The following ISM2 variants were observed in gnomAD, a reference collection of about 807,000 sequenced individuals.
The protein encoded by ISM2 is isthmin 2.
ISM2 carries 50 observed loss-of-function variants against 58.0 expected under a neutral mutation model. The ratio of observed to expected loss-of-function variants is 0.86; its 90% CI spans 0.69 to 1.09. ISM2 has a LOEUF of 1.09. ISM2 is among the 50% of genes least tolerant of loss of function. The probability of loss-of-function intolerance (pLI) is 0.00; values close to 1 mark genes in which losing one functional copy is unlikely to be tolerated. For missense variants in ISM2, 723 were observed against 745.0 expected (o/e 0.97, Z 0.34); for synonymous variants, 303 against 312.4 (o/e 0.97, Z 0.32).
At chr14:77,482,262 C>G in intron 4 of ISM2, 60 bp downstream of exon 4, 1 of 1,331,640 alleles carries the variant, frequency 7.5e-7, no homozygotes, top group East Asian at 2.3e-5. Context: ...TCCCTCACCC[C>G]CATTTCCACT....
intron 4 of ISM2, among the ~76,000 whole-genome samples, chr14:77,479,311 C>T (rs938539868): frequency 3.9e-5 from 6 of 151,900 alleles, no homozygotes; most frequent in East Asian, 3.8e-4. Context: ...CTTCGCCTCC[C>T]GGGTTCAAGT....
At chr14:77,488,979 G>C (rs536009907) in intron 1 of ISM2, among the ~76,000 whole-genome samples, 1 of 152,056 alleles carries the variant, frequency 6.6e-6, no homozygotes. Flanking sequence ...CATTCTTTTG[G>C]GGGGTGGTGT....
At position 77,484,804 on chromosome 14, in the gene ISM2, G is replaced by A; in HGVS notation, c.257C>T (p.Pro86Leu). Residue 86 changes from proline to leucine, a missense_variant, in exon 2 of 7, where the codon CCA becomes CTA. Transcript: ENST00000342219. ...HQHGCWTVTE[P>L]AAMTPGNATP... ...GGCGTTGCCTGGGGTCATGGCTGCTGGCTCAGTGACAGTCCAGCATCCATG... is the reference window on the plus strand; with the variant it reads ...GGCGTTGCCTGGGGTCATGGCTGCTAGCTCAGTGACAGTCCAGCATCCATG... 6.2e-7 allele frequency: 1 copy of A among 1,610,696 alleles called. No homozygotes were observed. The highest frequency in any genetic ancestry group is 8.5e-7 in the Non-Finnish European group (1 of 1,179,184).
At position 77,486,085 on chromosome 14, in the gene ISM2, A is replaced by C. The variant is rs534347457; in HGVS notation, c.142-1166T>G. Among the ~76,000 whole-genome samples, 166 of 152,312 alleles carry C rather than the reference A, an allele frequency of 1.1e-3. 1 individual carries two copies. The highest frequency in any genetic ancestry group is 3.3e-3 in the Admixed American group (50 of 15,290). The stretch of plus-strand genomic sequence containing the variant: ...CATTGTCATGCCTGTCTTACAGTGG[A>C]AACTAAGGCACAGAGAGGGCAAGTA... On this transcript the variant is annotated intron_variant, in intron 1 of 6. Coordinates refer to ENST00000342219, the MANE Select transcript of ISM2 (RefSeq NM_199296.3).
At chr14:77,494,311 C>T (rs2079225611) in intron 1 of ISM2, among the ~76,000 whole-genome samples, 1 of 152,230 alleles carries the variant, frequency 6.6e-6, no homozygotes, top group African/African-American at 2.4e-5. Flanking sequence ...CTTTCAGCAA[C>T]CTTTACTTTT....
Position 77,475,538 on chromosome 14 carries a change from T to G in ISM2, c.*57A>C. The G allele has an allele frequency of 1.1e-6, 1 of 874,280 alleles. No homozygotes were observed. The highest frequency in any genetic ancestry group is 1.6e-6 in the Non-Finnish European group (1 of 630,086). 54.2% of individuals were successfully genotyped at this position (874,280 alleles called of 1,614,324 possible). ...GGGGCGGGTGAGGAAAGTTCTCCCG[T>G]GCAACAGCAGCAGCCGCCTGCCCTC... is the stretch of plus-strand genomic sequence containing the variant. On this transcript the variant is annotated 3_prime_UTR_variant, in exon 7 of 7. Coordinates refer to ENST00000342219, the MANE Select transcript of ISM2 (RefSeq NM_199296.3). The surrounding 1 kb of genome is among the most constrained non-coding windows in gnomAD (Gnocchi z 4.1).
chr14:77,475,468 G>T lies in ISM2; in HGVS notation c.*127C>A, dbSNP rs867387891. On this transcript the variant is annotated 3_prime_UTR_variant, in exon 7 of 7. Transcript: ENST00000342219. The surrounding 1 kb of genome is among the most constrained non-coding windows in gnomAD (Gnocchi z 4.1). Reference sequence around the variant, plus strand: ...TCGCTGGCAGAGGGCACACAGCCTCGGACCAACCTCACTGGGGGAGCCCTT... The same window carrying T: ...TCGCTGGCAGAGGGCACACAGCCTCTGACCAACCTCACTGGGGGAGCCCTT... 4.9e-6 allele frequency: 5 copies of T among 1,029,066 alleles called. No individual in the cohort carries two copies. The highest frequency in any genetic ancestry group is 3.3e-4 in the Middle Eastern group (1 of 3,054). The allele number at this position is 1,029,066 out of a possible 1,614,324, so 63.7% of individuals were successfully genotyped here.
intron 1 of ISM2, among the ~76,000 whole-genome samples, chr14:77,495,305 T>C (rs1184547785): frequency 1.3e-5 from 2 of 152,218 alleles, no homozygotes. Flanking sequence ...GTGGCACTAA[T>C]TTGTTTTCAC....
Position 77,475,785 on chromosome 14 carries a change from A to G in ISM2, c.1526T>C (p.Met509Thr). The G allele has an allele frequency of 6.2e-7, 1 of 1,613,718 alleles. No individual in the cohort carries two copies. The highest frequency in any genetic ancestry group is 8.5e-7 in the Non-Finnish European group (1 of 1,179,942). ...GAAGTCGGTGCTGATGAGGTTGGGC[A>G]TGCCGGCGCCCTTGCCACGGGTCAG... Reference protein sequence around the residue: ...RLLTRGKGAGMPNLISTDFSP... With the variant: ...RLLTRGKGAGTPNLISTDFSP... The change falls in exon 7 of 7, where the codon ATG becomes ACG. Residue 509 changes from methionine to threonine, a missense_variant. By Grantham distance (81) the Met-to-Thr change is moderately conservative. Coordinates refer to ENST00000342219, the MANE Select transcript of ISM2 (RefSeq NM_199296.3). The surrounding 1 kb of genome is among the most constrained non-coding windows in gnomAD (Gnocchi z 4.1).
intron 1 of ISM2, among the ~76,000 whole-genome samples, chr14:77,497,767 GAGGGAAGGAAGGA>G (rs2079255274): frequency 1.1e-5 from 1 of 92,578 alleles, no homozygotes; most frequent in African/African-American, 4.9e-5. Context: ...GGGAGGGAGG[GAGGGAAGGAAGGA>G]AGGAAGGAAG....
In ISM2 at chr14:77,484,472, C is replaced by T; in HGVS notation, c.478G>A (p.Gly160Arg). ...THLQAELHQH[G>R]CWTVTEPAAL... ...GCTGGCTCAGTGACAGTCCAACATC[C>T]ATGTTGGTGTAGCTCTGCCTGCAGG... Residue 160 changes from glycine (G) to arginine (R), a missense_variant, in exon 3 of 7, where the codon GGA becomes AGA. Transcript: ENST00000342219. The T allele has an allele frequency of 1.2e-6, 2 of 1,609,654 alleles. No individual in the cohort carries two copies. Among genetic ancestry groups the T allele is most frequent in the Non-Finnish European group, 8.5e-7 (1 of 1,178,132 alleles).
At chr14:77,488,800 C>G (rs1253432686) in intron 1 of ISM2, among the ~76,000 whole-genome samples, 1 of 152,186 alleles carries the variant, frequency 6.6e-6, no homozygotes, top group Non-Finnish European at 1.5e-5. Flanking sequence ...TCATTCAGGT[C>G]CCCCGAACAC....
At chr14:77,488,583 T>A (rs1374734792) in intron 1 of ISM2, among the ~76,000 whole-genome samples, 1 of 152,210 alleles carries the variant, frequency 6.6e-6, no homozygotes, top group Non-Finnish European at 1.5e-5. Flanking sequence ...TCCGGCAGGT[T>A]ACTTAATCTG....
At chr14:77,492,514 GC>G (rs1421184081) in intron 1 of ISM2, among the ~76,000 whole-genome samples, 8 of 116,278 alleles carry the variant, frequency 6.9e-5, no homozygotes, top group African/African-American at 1.3e-4. Flanking sequence ...ACTGGCCCCA[GC>G]CTTTTTTTTT....
intron 1 of ISM2, among the ~76,000 whole-genome samples, chr14:77,496,088 A>G (rs1169819393): frequency 6.6e-6 from 1 of 151,034 alleles, no homozygotes; most frequent in Non-Finnish European, 1.5e-5. Flanking sequence ...GGTGGCAGGC[A>G]TCTGTAATCC....
At position 77,478,360 on chromosome 14, in the gene ISM2, G is replaced by A. The variant is rs191715957; in HGVS notation, c.1115-35C>T. On this transcript the variant is annotated intron_variant, in intron 5 of 6. Transcript: ENST00000342219. ...GAAAGGAGGCCAGGCTGGTGGCTCC[G>A]CAGGCCACCTCAGTGCCGCTGATGG... The A allele has an allele frequency of 5.3e-5, 83 of 1,565,918 alleles. 1 individual carries two copies. The African/African-American group carries it at 9.2e-4, about 17-fold the overall frequency.
chr14:77,498,364 G>A (rs2079261260), intron 1 of ISM2: 1 of 1,395,194 alleles, frequency 7.2e-7, no homozygotes, highest in South Asian at 1.3e-5. Flanking sequence ...AGGAAGCCCG[G>A]CCACCGTGGA....
chr14:77,498,794 C>G lies in ISM2; in HGVS notation c.-1G>C. 2.8e-6 allele frequency: 4 copies of G among 1,431,514 alleles called. No homozygotes were observed. The highest frequency in any genetic ancestry group is 3.0e-5 in the East Asian group (1 of 32,960). The allele number at this position is 1,431,514 out of a possible 1,614,324, so 88.7% of individuals were successfully genotyped here. A position where few individuals can be genotyped will look rare whatever the true frequency, so the allele number is the denominator to read the frequency against. On this transcript the variant is annotated 5_prime_UTR_variant, in exon 1 of 7. Transcript: ENST00000342219. ...CGGCTCGGTCGCGGAGCGCACGCAT[C>G]GTCTCGGTTCCGAGGCTGCTCTGCC...
At position 77,478,395 on chromosome 14, in the gene ISM2, C is replaced by T. The variant is rs181627624; in HGVS notation, c.1115-70G>A. The T allele has an allele frequency of 9.1e-5, 136 of 1,487,136 alleles. 1 individual carries two copies. The African/African-American group carries it at 1.6e-3, about 18-fold the overall frequency. 92.1% of individuals were successfully genotyped at this position (1,487,136 alleles called of 1,614,324 possible). On this transcript the variant is annotated intron_variant, in intron 5 of 6. Transcript: ENST00000342219. ...TCAGTGCCGCTGATGGGGAAACCCCCCCACCTCAATAGGCTCTCAGTGCCC... is the reference window on the plus strand; with the variant it reads ...TCAGTGCCGCTGATGGGGAAACCCCTCCACCTCAATAGGCTCTCAGTGCCC...
Sources: allele counts gnomAD v4.1 joint callset (sites outside exome capture counted in the v4.1 genomes callset), GRCh38; gene constraint gnomAD v4.1.1; non-coding constraint Gnocchi (gnomAD v3.1); transcripts MANE v1.5; gene names NCBI Gene and HGNC (gene_info 2026-07-23, HGNC 2026-07-21).